Variants in TSPAN32 observed in about 807,000 individuals in gnomAD.
TSPAN32 encodes the protein tetraspanin-32.
TSPAN32 carries 47 observed loss-of-function variants against 42.7 expected under a neutral mutation model. The observed-to-expected ratio is 1.10, with a 90% CI of 0.87 to 1.40. TSPAN32 has a LOEUF of 1.40. TSPAN32 is among the 40% of genes most tolerant of loss of function. The pLI, the probability that TSPAN32 is intolerant of heterozygous loss-of-function variation, is 0.00. For missense variants in TSPAN32, 469 were observed against 424.1 expected, an observed-to-expected ratio of 1.11 and a Z score of -0.93; for synonymous variants, 175 against 175.9, an observed-to-expected ratio of 0.99 and a Z score of 0.04.
At chr11:2,307,604 T>A (rs1333411810) in intron 3 of TSPAN32, among the ~76,000 whole-genome samples, 1 of 152,144 alleles carries the variant, frequency 6.6e-6, no homozygotes, top group East Asian at 1.9e-4. Flanking sequence ...TCCATAAAAC[T>A]GTATCGGGGG....
At position 2,316,668 on chromosome 11, in the gene TSPAN32, G is replaced by C; in HGVS notation, c.719+1G>C. 1 of 1,523,044 alleles carries C rather than the reference G, an allele frequency of 6.6e-7. No homozygotes were observed. The highest frequency in any genetic ancestry group is 8.8e-7 in the Non-Finnish European group (1 of 1,134,522). 94.3% of individuals were successfully genotyped at this position (1,523,044 alleles called of 1,614,324 possible). A position where few individuals can be genotyped will look rare whatever the true frequency, so the allele number is the denominator to read the frequency against. The stretch of plus-strand genomic sequence containing the variant: ...AGGGCAAATACACCCTGACCCCACG[G>C]TAGGGCCCCCTGCCTGCCCCCACAC... On this transcript the variant is annotated splice_donor_variant, in intron 8 of 9. Transcript: ENST00000182290. LOFTEE classifies it high-confidence loss of function.
In TSPAN32 at chr11:2,308,729, C is replaced by T. The variant is rs763458699; in HGVS notation, c.280-7C>T. Reference sequence around the variant, plus strand: ...CTCAACAGTGACCAGCCCCGCTCTGCCCCCAGGGCTTCCTGTGCTTCTCCC... The same window carrying T: ...CTCAACAGTGACCAGCCCCGCTCTGTCCCCAGGGCTTCCTGTGCTTCTCCC... On this transcript the variant is annotated splice_region_variant and splice_polypyrimidine_tract_variant and intron_variant, in intron 3 of 9. Coordinates refer to ENST00000182290, the MANE Select transcript of TSPAN32 (RefSeq NM_139022.3). 26 of 1,561,042 alleles carry T rather than the reference C, an allele frequency of 1.7e-5. No individual in the cohort carries two copies. Among genetic ancestry groups the T allele is most frequent in the South Asian group, 7.1e-5 (6 of 84,870 alleles).
chr11:2,302,481 G>A (rs1382645262), intron 1 of TSPAN32, among the ~76,000 whole-genome samples: 1 of 152,152 alleles, frequency 6.6e-6, no homozygotes. Context: ...GCGAGCTGGG[G>A]TGGAGGGGCA....
At position 2,311,744 on chromosome 11, in the gene TSPAN32, C is replaced by A. The variant is rs1435685656; in HGVS notation, c.355-1910C>A. ...GGTCATGGGGAAAAGCCCCCGGGCACCGGAAGACGGAGCTTAGTGCGTTGA... is the reference window on the plus strand; with the variant it reads ...GGTCATGGGGAAAAGCCCCCGGGCAACGGAAGACGGAGCTTAGTGCGTTGA... On this transcript the variant is annotated intron_variant, in intron 4 of 9. Transcript: ENST00000182290. 2.0e-5 allele frequency among the ~76,000 whole-genome samples: 3 copies of A among 152,212 alleles called. No homozygotes were observed. The East Asian group carries it at 5.8e-4, about 29-fold the overall frequency.
chr11:2,316,309 C>T lies in TSPAN32; in HGVS notation c.624C>T (p.Leu208=), dbSNP rs1589819927. The change falls in exon 7 of 10, where the codon CTC becomes CTT. Residue 208 remains leucine (L), a synonymous_variant. Coordinates refer to ENST00000182290, the MANE Select transcript of TSPAN32 (RefSeq NM_139022.3). ...ASSLTSIGLA[L]TVSALLFSSF... is the part of the protein sequence containing the mutation. ...GCCTGACCAGCATCGGCCTGGCCCT[C>T]ACGGTACCCTCTCGCCTCCCTCACT... is the stretch of plus-strand genomic sequence containing the variant. 2.5e-6 allele frequency: 4 copies of T among 1,598,814 alleles called. No homozygotes were observed. The highest frequency in any genetic ancestry group is 8.5e-7 in the Non-Finnish European group (1 of 1,175,088).
At chr11:2,316,109 C>G in intron 6 of TSPAN32, 120 bp from the exon 7 acceptor site, 1 of 1,525,134 alleles carries the variant, frequency 6.6e-7, no homozygotes, top group South Asian at 1.2e-5. Context: ...CCGCACCCGC[C>G]GCCCTGCTGC....
At chr11:2,308,695 T>G in intron 3 of TSPAN32, 41 bp from the exon 4 acceptor site, 2 of 940,374 alleles carry the variant, frequency 2.1e-6, no homozygotes, top group East Asian at 4.7e-5. Flanking sequence ...CCCCCCGCAG[T>G]GACCAGCCCT....
At chr11:2,308,387 C>A (rs1848239167) in intron 3 of TSPAN32, among the ~76,000 whole-genome samples, 1 of 144,134 alleles carries the variant, frequency 6.9e-6, no homozygotes, top group South Asian at 2.3e-4. Context: ...GCAGTGACTG[C>A]CCCCACCCCC....
intron 2 of TSPAN32, 113 bp downstream of exon 2, chr11:2,303,071 G>A (rs2133284449): frequency 2.0e-6 from 2 of 985,516 alleles, no homozygotes; most frequent in Non-Finnish European, 3.0e-6. Flanking sequence ...CTAGGCAGGA[G>A]CCAGAGGTGG....
At position 2,305,972 on chromosome 11, in the gene TSPAN32, G is replaced by A. The variant is rs114112048; in HGVS notation, c.279+1768G>A. Among the ~76,000 whole-genome samples, 498 of 152,258 alleles carry A rather than the reference G, an allele frequency of 3.3e-3. 1 individual carries two copies. The highest frequency in any genetic ancestry group is 0.011 in the African/African-American group (464 of 41,556). On this transcript the variant is annotated intron_variant, in intron 3 of 9. Coordinates refer to ENST00000182290, the MANE Select transcript of TSPAN32 (RefSeq NM_139022.3). ...CATGAGGGTGAGCCTATGTGTATGC[G>A]TGTGCAAATATACATGTGTGTGTGC...
Position 2,313,598 on chromosome 11 carries a change from C to T in TSPAN32, c.355-56C>T. 2 of 1,403,256 alleles carry T rather than the reference C, an allele frequency of 1.4e-6. No individual in the cohort carries two copies. 86.9% of individuals were successfully genotyped at this position (1,403,256 alleles called of 1,614,324 possible). On this transcript the variant is annotated intron_variant, in intron 4 of 9. Transcript: ENST00000182290. The surrounding 1 kb of genome is among the most constrained non-coding windows in gnomAD (Gnocchi z 9.1). The stretch of plus-strand genomic sequence containing the variant: ...CGTTTGGGATGTCGTGGGGAGGGGG[C>T]TGTGTCCCCGGATCTCCCACCAGGG...
chr11:2,302,687 G>A, intron 1 of TSPAN32, 157 bp from the exon 2 acceptor site: 1 of 647,494 alleles, frequency 1.5e-6, no homozygotes, highest in Admixed American at 2.6e-5. Context: ...AAGGCCTCCT[G>A]AGACCACTCC....
In TSPAN32 at chr11:2,304,153, C is replaced by CGT; in HGVS notation, c.230_231dup (p.Leu78CysfsTer2). ...TGGTGGGCCTCCTGACTCTGGGAGC[C>CGT]GTGCTGAGCGCTGCAGCCACCGTGA... On this transcript the variant is annotated frameshift_variant, in exon 3 of 10. Coordinates refer to ENST00000182290, the MANE Select transcript of TSPAN32 (RefSeq NM_139022.3). LOFTEE classifies it high-confidence loss of function. This position sits in a 1 kb window ranked among gnomAD's most constrained non-coding sequence, Gnocchi z 4.8. 6.3e-7 allele frequency: 1 copy of CGT among 1,589,202 alleles called. No homozygotes were observed. Among genetic ancestry groups the CGT allele is most frequent in the Non-Finnish European group, 8.6e-7 (1 of 1,168,108 alleles).
intron 6 of TSPAN32, chr11:2,315,614 G>A (rs1045034331): frequency 7.0e-5 from 83 of 1,180,326 alleles, no homozygotes; most frequent in Middle Eastern, 3.9e-4. Flanking sequence ...ACCTGCCTGC[G>A]GGGGACAGGA....
intron 5 of TSPAN32, among the ~76,000 whole-genome samples, chr11:2,314,020 G>A (rs924472847): frequency 6.6e-6 from 1 of 152,066 alleles, no homozygotes; most frequent in Non-Finnish European, 1.5e-5. Context: ...GATTTCAAGA[G>A]CATTAAAGCA....
At chr11:2,307,342 C>A (rs182403314) in intron 3 of TSPAN32, among the ~76,000 whole-genome samples, 19 of 152,336 alleles carry the variant, frequency 1.2e-4, no homozygotes, top group Admixed American at 1.0e-3. Flanking sequence ...CTGAATGGGG[C>A]CCCAGGGTTT....
intron 4 of TSPAN32, among the ~76,000 whole-genome samples, chr11:2,312,231 G>C (rs1300589890): frequency 1.3e-5 from 2 of 152,200 alleles, no homozygotes; most frequent in African/African-American, 4.8e-5. Context: ...AGTTGGGAGG[G>C]AAGCAGGAGG....
Position 2,304,512 on chromosome 11 carries a change from A to G in TSPAN32, c.279+308A>G, listed in dbSNP as rs1847956246. Among the ~76,000 whole-genome samples, 1 of 150,370 alleles carries G rather than the reference A, an allele frequency of 6.7e-6. No homozygotes were observed. The highest frequency in any genetic ancestry group is 1.5e-5 in the Non-Finnish European group (1 of 67,606). On this transcript the variant is annotated intron_variant, in intron 3 of 9. Transcript: ENST00000182290. This position sits in a 1 kb window ranked among gnomAD's most constrained non-coding sequence, Gnocchi z 4.8. ...TTCCTATAGGAGCTCTGAAAGAGAG[A>G]GACGGCCCTCCTGACCCTGGGAGCT...
intron 4 of TSPAN32, among the ~76,000 whole-genome samples, chr11:2,311,517 C>T (rs530203646): frequency 2.6e-5 from 4 of 152,290 alleles, no homozygotes; most frequent in African/African-American, 9.6e-5. Context: ...CTGCCCCACC[C>T]TGGAGCCACT....
Sources: allele counts gnomAD v4.1 joint callset (sites outside exome capture counted in the v4.1 genomes callset), GRCh38; gene constraint gnomAD v4.1.1; non-coding constraint Gnocchi (gnomAD v3.1); transcripts MANE v1.5; gene names NCBI Gene and HGNC (gene_info 2026-07-23, HGNC 2026-07-21).